The following MCUB variants were observed in gnomAD, a reference collection of about 807,000 sequenced individuals.
MCUB encodes mitochondrial calcium uniporter dominant negative subunit beta, also known as calcium uniporter regulatory subunit MCUb, mitochondrial.
A neutral mutation model predicts 41.4 loss-of-function variants in MCUB; 46 were observed. That is an observed-to-expected ratio of 1.11 (90% CI 0.88 to 1.42). MCUB has a LOEUF of 1.42. MCUB is among the 40% of genes most tolerant of loss of function. MCUB has a pLI of 0.00. For synonymous variants in MCUB, 148 were observed against 148.2 expected, an observed-to-expected ratio of 1.00 and a Z score of 0.01; for missense variants, 403 against 404.9, an observed-to-expected ratio of 1.00 and a Z score of 0.04.
chr4:109,614,659 A>T (rs1456884717), intron 1 of MCUB, among the ~76,000 whole-genome samples: 1 of 149,232 alleles, frequency 6.7e-6, no homozygotes. Context: ...TGAGACCCCC[A>T]GGGACTCAAG....
intron 4 of MCUB, among the ~76,000 whole-genome samples, chr4:109,665,959 AAAG>A (rs756815037): frequency 6.6e-6 from 1 of 151,930 alleles, no homozygotes; most frequent in Admixed American, 6.6e-5. Context: ...GGGAGGAAAA[AAAG>A]AAAGGCAAGA....
intron 4 of MCUB, among the ~76,000 whole-genome samples, chr4:109,679,195 C>T (rs1729657976): frequency 6.6e-6 from 1 of 152,140 alleles, no homozygotes; most frequent in Non-Finnish European, 1.5e-5. Context: ...CTCCTCACAT[C>T]CCAGACGATG....
At chr4:109,634,449 C>G (rs1728544536) in intron 1 of MCUB, among the ~76,000 whole-genome samples, 1 of 149,560 alleles carries the variant, frequency 6.7e-6, no homozygotes, top group East Asian at 2.0e-4. Context: ...CGCCACTGCA[C>G]TCCAGCCTGG....
In MCUB at chr4:109,672,941, C is replaced by T. The variant is rs1579094248; in HGVS notation, c.451+8547C>T. On this transcript the variant is annotated intron_variant, in intron 4 of 7. Coordinates refer to ENST00000394650, the MANE Select transcript of MCUB (RefSeq NM_017918.5). ...TTTATCAGCCATTTCTCTGAGGACCCCTCAAACAAAAATAATTTTTTAAAA... is the reference window on the plus strand; with the variant it reads ...TTTATCAGCCATTTCTCTGAGGACCTCTCAAACAAAAATAATTTTTTAAAA... 3.3e-5 allele frequency among the ~76,000 whole-genome samples: 5 copies of T among 152,204 alleles called. 2 individuals are homozygous for T. The South Asian group carries it at 1.0e-3, about 32-fold the overall frequency.
chr4:109,576,188 A>AAT (rs1331198828), intron 1 of MCUB, among the ~76,000 whole-genome samples: 1 of 152,222 alleles, frequency 6.6e-6, no homozygotes, highest in African/African-American at 2.4e-5. Flanking sequence ...TCCCAACCTC[A>AAT]ATATAACACT....
chr4:109,571,543 C>T (rs1304602127), intron 1 of MCUB, among the ~76,000 whole-genome samples: 1 of 152,162 alleles, frequency 6.6e-6, no homozygotes, highest in Admixed American at 6.5e-5. Flanking sequence ...CAGCTCCTGA[C>T]CTCAGGTGAT....
intron 1 of MCUB, among the ~76,000 whole-genome samples, chr4:109,608,089 C>T (rs1048787392): frequency 1.3e-5 from 2 of 152,134 alleles, no homozygotes; most frequent in South Asian, 2.1e-4. Context: ...ATTCTCTTTT[C>T]TCTTATCTCC....
At chr4:109,595,033 C>T (rs1434015408) in intron 1 of MCUB, among the ~76,000 whole-genome samples, 4 of 151,494 alleles carry the variant, frequency 2.6e-5, no homozygotes, top group Non-Finnish European at 5.9e-5. Flanking sequence ...TTATTCCAAC[C>T]GAAATAACAA....
intron 1 of MCUB, among the ~76,000 whole-genome samples, chr4:109,645,944 C>T (rs1046912626): frequency 6.6e-6 from 1 of 152,162 alleles, no homozygotes; most frequent in Admixed American, 6.6e-5. Context: ...TCACGCTATG[C>T]AAGTACATAC....
chr4:109,624,032 T>C lies in MCUB; in HGVS notation c.100-34979T>C, dbSNP rs560430920. Among the ~76,000 whole-genome samples the C allele has an allele frequency of 2.0e-5, 3 of 152,224 alleles. No homozygotes were observed. The East Asian group carries it at 5.8e-4, about 29-fold the overall frequency. ...ACTTGACTGATTTTTAAAAAATTTTTTGTAGAGTCAAGATTTTACTATGTT... is the reference window on the plus strand; with the variant it reads ...ACTTGACTGATTTTTAAAAAATTTTCTGTAGAGTCAAGATTTTACTATGTT... On this transcript the variant is annotated intron_variant, in intron 1 of 7. Coordinates refer to ENST00000394650, the MANE Select transcript of MCUB (RefSeq NM_017918.5).
Position 109,560,330 on chromosome 4 carries a change from G to T in MCUB, c.-8G>T. The T allele has an allele frequency of 1.6e-6, 2 of 1,253,030 alleles. No homozygotes were observed. The highest frequency in any genetic ancestry group is 2.0e-6 in the Non-Finnish European group (2 of 996,166). 77.6% of individuals were successfully genotyped at this position (1,253,030 alleles called of 1,614,324 possible). A position where few individuals can be genotyped will look rare whatever the true frequency, so the allele number is the denominator to read the frequency against. ...CGCCTGCGGGAGCCGCGCGCCTGGGGCGGGAGGATGCTCCAGAGGGGCCTC... is the reference window on the plus strand; with the variant it reads ...CGCCTGCGGGAGCCGCGCGCCTGGGTCGGGAGGATGCTCCAGAGGGGCCTC... On this transcript the variant is annotated 5_prime_UTR_variant, in exon 1 of 8. Transcript: ENST00000394650.
chr4:109,597,815 A>G (rs78288408), intron 1 of MCUB, among the ~76,000 whole-genome samples: 3,471 of 147,584 alleles, frequency 0.024, 114 homozygotes, highest in South Asian at 0.069. Context: ...GCTGCTGGGC[A>G]GAGGGGCTCC....
intron 1 of MCUB, among the ~76,000 whole-genome samples, chr4:109,646,777 A>C (rs117245183): frequency 6.6e-6 from 1 of 152,128 alleles, no homozygotes; most frequent in East Asian, 1.9e-4. Flanking sequence ...GACATAGCAC[A>C]TGGTGTTCTG....
At chr4:109,614,298 T>C (rs1352123663) in intron 1 of MCUB, among the ~76,000 whole-genome samples, 1 of 152,028 alleles carries the variant, frequency 6.6e-6, no homozygotes, top group African/African-American at 2.4e-5. Flanking sequence ...TGCTGTAGGA[T>C]TGAGTGAATG....
At position 109,620,238 on chromosome 4, in the gene MCUB, A is replaced by T. The variant is rs910723360; in HGVS notation, c.100-38773A>T. On this transcript the variant is annotated intron_variant, in intron 1 of 7. Coordinates refer to ENST00000394650, the MANE Select transcript of MCUB (RefSeq NM_017918.5). ...TAAATTTAAATTCTGATATCCCAAA[A>T]CAGGTTTTCAGAGGAGCAAATCCAG... 1.7e-4 allele frequency among the ~76,000 whole-genome samples: 26 copies of T among 152,164 alleles called. 1 individual carries two copies. In the South Asian group the frequency reaches 5.4e-3, roughly 32 times the overall value.
At chr4:109,590,610 C>T (rs897019297) in intron 1 of MCUB, among the ~76,000 whole-genome samples, 3 of 152,162 alleles carry the variant, frequency 2.0e-5, no homozygotes, top group African/African-American at 7.2e-5. Flanking sequence ...TAAAAGCAAT[C>T]ACTTACTACT....
At chr4:109,581,790 A>T (rs1727182454) in intron 1 of MCUB, among the ~76,000 whole-genome samples, 1 of 152,224 alleles carries the variant, frequency 6.6e-6, no homozygotes, top group Non-Finnish European at 1.5e-5. Context: ...GCTTATCATC[A>T]CTGGCCATCA....
chr4:109,655,706 T>C (rs2126143503), intron 1 of MCUB, among the ~76,000 whole-genome samples: 1 of 152,260 alleles, frequency 6.6e-6, no homozygotes, highest in African/African-American at 2.4e-5. Flanking sequence ...GGAATGATTC[T>C]ACGCAGAAAT....
chr4:109,605,464 A>G (rs1727848200), intron 1 of MCUB, among the ~76,000 whole-genome samples: 1 of 152,206 alleles, frequency 6.6e-6, no homozygotes, highest in Non-Finnish European at 1.5e-5. Context: ...TCTATCCTTG[A>G]GAATGATCCA....
Sources: allele counts gnomAD v4.1 joint callset (sites outside exome capture counted in the v4.1 genomes callset), GRCh38; gene constraint gnomAD v4.1.1; transcripts MANE v1.5; gene names NCBI Gene and HGNC (gene_info 2026-07-23, HGNC 2026-07-21).